ZNF30: variants seen among roughly 807,000 people sequenced by gnomAD.
ZNF30 encodes zinc finger protein 30.
Under a neutral mutation model 13.2 loss-of-function variants are expected in ZNF30, and 15 were observed. That is an observed-to-expected ratio of 1.13 (90% CI 0.76 to 1.75). The LOEUF (loss-of-function observed/expected upper bound fraction) is 1.75. Ranked by LOEUF, ZNF30 falls within the 40% of genes most tolerant of loss-of-function variation. ZNF30 has a pLI of 0.00. For synonymous variants in ZNF30, 223 were observed against 256.6 expected (o/e 0.87, Z 1.25); for missense variants, 726 against 757.0 (o/e 0.96, Z 0.48).
chr19:34,943,578 C>A lies in ZNF30; in HGVS notation c.612C>A (p.Leu204=). ...HGRIHTGEKP[L]KCKQCGKTIS... ...GAATTCACACTGGTGAGAAGCCACTCAAATGTAAGCAATGTGGAAAGACTA... is the reference window on the plus strand; with the variant it reads ...GAATTCACACTGGTGAGAAGCCACTAAAATGTAAGCAATGTGGAAAGACTA... Residue 204 remains leucine, a synonymous_variant, in exon 5 of 5, where the codon CTC becomes CTA. Transcript: ENST00000601142. 1 of 1,613,294 alleles carries A rather than the reference C, an allele frequency of 6.2e-7. No homozygotes were observed. Among genetic ancestry groups the A allele is most frequent in the South Asian group, 1.1e-5 (1 of 90,898 alleles).
At chr19:34,932,680 A>G (rs745993802) in intron 3 of ZNF30, among the ~76,000 whole-genome samples, 1 of 152,110 alleles carries the variant, frequency 6.6e-6, no homozygotes, top group East Asian at 1.9e-4. Flanking sequence ...TGTTTAAGTG[A>G]GTTACGCAAG....
Position 34,943,788 on chromosome 19 carries a change from C to A in ZNF30, c.822C>A (p.Tyr274Ter). Residue 274 changes from tyrosine (Y) to a stop codon, truncating the protein, a stop_gained, in exon 5 of 5, where the codon TAC (tyrosine) becomes TAA (stop). Transcript: ENST00000601142. LOFTEE classifies it low-confidence loss of function (END_TRUNC). ...ECGKAFSTFS[Y>*]LVQHQRIHTS... ...GGAAGGCCTTCAGTACCTTTTCATA[C>A]CTGGTTCAACATCAGCGAATTCATA... 2 of 1,613,514 alleles carry A rather than the reference C, an allele frequency of 1.2e-6. No homozygotes were observed.
intron 4 of ZNF30, among the ~76,000 whole-genome samples, chr19:34,942,116 C>T (rs960295394): frequency 2.0e-5 from 3 of 152,108 alleles, no homozygotes; most frequent in African/African-American, 7.2e-5. Flanking sequence ...AAATATCATT[C>T]TTTGTATGGA....
chr19:34,928,850 G>T (rs1437889255), intron 1 of ZNF30, among the ~76,000 whole-genome samples: 1 of 152,026 alleles, frequency 6.6e-6, no homozygotes, highest in Non-Finnish European at 1.5e-5. Context: ...ATCTCTTATG[G>T]TGCCTAATTT....
chr19:34,925,089 C>T (rs1250738822), upstream of ZNF30, among the ~76,000 whole-genome samples: 1 of 152,152 alleles, frequency 6.6e-6, no homozygotes, highest in Non-Finnish European at 1.5e-5. Flanking sequence ...GCTGCTCAAA[C>T]CTCCAGGGGA....
At chr19:34,942,033 A>G (rs1345690710) in intron 4 of ZNF30, among the ~76,000 whole-genome samples, 1 of 152,244 alleles carries the variant, frequency 6.6e-6, no homozygotes, top group Non-Finnish European at 1.5e-5. Flanking sequence ...CTCAAGAAGT[A>G]CACGTTTATT....
intron 2 of ZNF30, among the ~76,000 whole-genome samples, chr19:34,930,826 G>A (rs1345945902): frequency 2.6e-5 from 4 of 152,040 alleles, no homozygotes; most frequent in Non-Finnish European, 5.9e-5. Context: ...TCATAGCACT[G>A]CACTACAGAC....
intron 4 of ZNF30, among the ~76,000 whole-genome samples, chr19:34,942,028 G>A (rs1244861963): frequency 6.6e-6 from 1 of 152,174 alleles, no homozygotes; most frequent in Non-Finnish European, 1.5e-5. Flanking sequence ...TTATTCTCAA[G>A]AAGTACACGT....
At chr19:34,929,154 C>T (rs1365896095) in intron 1 of ZNF30, among the ~76,000 whole-genome samples, 1 of 152,138 alleles carries the variant, frequency 6.6e-6, no homozygotes, top group East Asian at 1.9e-4. Context: ...GACTATGCGC[C>T]TGTAGTCCTA....
upstream of ZNF30, among the ~76,000 whole-genome samples, chr19:34,926,119 A>C (rs943519099): frequency 2.0e-5 from 3 of 152,214 alleles, no homozygotes; most frequent in Non-Finnish European, 4.4e-5. Context: ...GGTTACAGTA[A>C]GCCGAGATAG....
At chr19:34,939,694 C>T (rs2012938434) in intron 4 of ZNF30, among the ~76,000 whole-genome samples, 1 of 152,158 alleles carries the variant, frequency 6.6e-6, no homozygotes, top group South Asian at 2.1e-4. Context: ...TGCAGGTTTT[C>T]GAGCAACACA....
In ZNF30 at chr19:34,944,948, T is replaced by C. The variant is rs2151678636; in HGVS notation, c.*110T>C. 1.0e-6 allele frequency: 1 copy of C among 1,000,776 alleles called. No homozygotes were observed. The highest frequency in any genetic ancestry group is 2.6e-5 in the East Asian group (1 of 37,984). 62.0% of individuals were successfully genotyped at this position (1,000,776 alleles called of 1,614,324 possible). On this transcript the variant is annotated 3_prime_UTR_variant, in exon 5 of 5. Transcript: ENST00000601142. ...AATGTGAAGAATATTGGCAGGTCTA[T>C]TCTCATCTTATAATTCATAATATAA...
intron 4 of ZNF30, among the ~76,000 whole-genome samples, chr19:34,940,474 C>G (rs2012986573): frequency 6.6e-6 from 1 of 151,958 alleles, no homozygotes; most frequent in African/African-American, 2.4e-5. Context: ...TCGACACCAG[C>G]CTGGCCAACA....
At position 34,928,221 on chromosome 19, in the gene ZNF30, ATATATATATATAT is replaced by A. The variant is rs1305935112; in HGVS notation, c.-65+1006_-65+1018del. 1.8e-3 allele frequency among the ~76,000 whole-genome samples: 122 copies of A among 66,640 alleles called. 1 individual carries two copies. The highest frequency in any genetic ancestry group is 2.8e-3 in the Non-Finnish European group (83 of 30,114). The allele number at this position is 66,640 out of a possible 152,430, so 43.7% of individuals were successfully genotyped here. ...AGATCCCTTCTCTAAAAAAAAAAAA[ATATATATATATAT>A]ATATATATATATATATATATAGATA... On this transcript the variant is annotated intron_variant, in intron 1 of 4. Transcript: ENST00000601142.
Position 34,944,943 on chromosome 19 carries a change from G to T in ZNF30, c.*105G>T. 1.9e-6 allele frequency: 2 copies of T among 1,046,498 alleles called. No individual in the cohort carries two copies. The highest frequency in any genetic ancestry group is 1.3e-6 in the Non-Finnish European group (1 of 751,006). 64.8% of individuals were successfully genotyped at this position (1,046,498 alleles called of 1,614,324 possible). ...TTTCAAATGTGAAGAATATTGGCAG[G>T]TCTATTCTCATCTTATAATTCATAA... On this transcript the variant is annotated 3_prime_UTR_variant, in exon 5 of 5. Coordinates refer to ENST00000601142, the MANE Select transcript of ZNF30 (RefSeq NM_194325.3).
Position 34,931,948 on chromosome 19 carries a change from T to A in ZNF30, c.115T>A (p.Tyr39Asn). 2 of 1,609,734 alleles carry A rather than the reference T, an allele frequency of 1.2e-6. No individual in the cohort carries two copies. The highest frequency in any genetic ancestry group is 2.2e-5 in the South Asian group (2 of 90,028). ...ESLDSSQRGLYRDVMLENYRN... is the reference protein window; with the variant it reads ...ESLDSSQRGLNRDVMLENYRN... ...TCTGGACTCTTCCCAGAGGGGCTTG[T>A]ACAGAGATGTGATGTTGGAGAACTA... Residue 39 changes from tyrosine to asparagine, a missense_variant, in exon 3 of 5, where the codon TAC becomes AAC. Transcript: ENST00000601142.
At chr19:34,933,942 C>T (rs1309406870) in intron 4 of ZNF30, among the ~76,000 whole-genome samples, 3 of 152,182 alleles carry the variant, frequency 2.0e-5, no homozygotes, top group African/African-American at 4.8e-5. Context: ...TCTTGTTTCC[C>T]TCTCATTTTA....
At chr19:34,941,778 C>T (rs2013061285) in intron 4 of ZNF30, among the ~76,000 whole-genome samples, 1 of 152,190 alleles carries the variant, frequency 6.6e-6, no homozygotes, top group Non-Finnish European at 1.5e-5. Flanking sequence ...GCTTTAGTGG[C>T]CACCCCAGTG....
chr19:34,938,893 C>A (rs375283603), intron 4 of ZNF30, among the ~76,000 whole-genome samples: 1 of 152,108 alleles, frequency 6.6e-6, no homozygotes, highest in Admixed American at 6.6e-5. Context: ...TGCAGAGAGA[C>A]GAGACACACA....
Sources: gnomAD v4.1 joint callset for allele counts (sites outside exome capture counted in the v4.1 genomes callset) on GRCh38, gnomAD v4.1.1 for gene constraint, MANE v1.5 for transcripts, NCBI Gene and HGNC (gene_info 2026-07-23, HGNC 2026-07-21) for gene names.